Variants in PIK3CD observed in about 807,000 individuals in gnomAD.
PIK3CD encodes the protein phosphatidylinositol 4,5-bisphosphate 3-kinase catalytic subunit delta isoform.
Under a neutral mutation model 122.9 loss-of-function variants are expected in PIK3CD, and 20 were observed. The ratio of observed to expected loss-of-function variants is 0.16; its 90% CI spans 0.11 to 0.24. The LOEUF (loss-of-function observed/expected upper bound fraction) is 0.24, where lower values mean the gene tolerates loss of function less well. Ranked by LOEUF, PIK3CD falls within the 10% of genes least tolerant of loss-of-function variation. The pLI, the probability that PIK3CD is intolerant of heterozygous loss-of-function variation, is 1.00. For missense variants in PIK3CD, 787 were observed against 1,406.3 expected (o/e 0.56, Z 7.04); for synonymous variants, 596 against 593.4 (o/e 1.00, Z -0.06).
intron 2 of PIK3CD, among the ~76,000 whole-genome samples, chr1:9,701,115 C>CGA (rs1646609950): frequency 6.6e-6 from 1 of 152,134 alleles, no homozygotes; most frequent in African/African-American, 2.4e-5. Flanking sequence ...GCTGTCCATC[C>CGA]GCTCAGCACA....
chr1:9,687,356 C>T (rs1354092519), intron 1 of PIK3CD: 1 of 152,232 alleles, frequency 6.6e-6, no homozygotes, highest in Non-Finnish European at 1.5e-5. Flanking sequence ...GCTCTGCACC[C>T]AGAACTCCTC....
At chr1:9,681,397 C>T (rs1227002451) in intron 1 of PIK3CD, among the ~76,000 whole-genome samples, 3 of 152,148 alleles carry the variant, frequency 2.0e-5, no homozygotes, top group African/African-American at 7.2e-5. Flanking sequence ...ATCACCATGC[C>T]TGGCTGCTGC....
Position 9,724,005 on chromosome 1 carries a change from C to T in PIK3CD, c.2631C>T (p.Leu877=), listed in dbSNP as rs368751278. The change falls in exon 21 of 24, where the codon CTC becomes CTT. Residue 877 remains leucine, a synonymous_variant. Coordinates refer to ENST00000377346, the MANE Select transcript of PIK3CD (RefSeq NM_005026.5). The surrounding 1 kb of genome is among the most constrained non-coding windows in gnomAD (Gnocchi z 7.3). Reference sequence around the variant, plus strand: ...ATCGAGCCATTGAGGAGTTCACCCTCTCCTGTGCTGGCTATTGTGTGGCCA... The same window carrying T: ...ATCGAGCCATTGAGGAGTTCACCCTTTCCTGTGCTGGCTATTGTGTGGCCA... ...ALDRAIEEFT[L]SCAGYCVATY... 6.2e-7 allele frequency: 1 copy of T among 1,614,220 alleles called. No individual in the cohort carries two copies. The highest frequency in any genetic ancestry group is 1.1e-5 in the South Asian group (1 of 91,086).
rs1570366955 is a variant in PIK3CD at position 9,717,655 on chromosome 1, C to G, written c.1020+29C>G. The stretch of plus-strand genomic sequence containing the variant: ...GGGCTCCTGGGATAGGTGGGAGAGA[C>G]ACTGTTTTTTTGCACAAACAAGGTG... On this transcript the variant is annotated intron_variant, in intron 8 of 23. Transcript: ENST00000377346. The surrounding 1 kb of genome is among the most constrained non-coding windows in gnomAD (Gnocchi z 5.4). 6.2e-7 allele frequency: 1 copy of G among 1,604,332 alleles called. No individual in the cohort carries two copies. Among genetic ancestry groups the G allele is most frequent in the African/African-American group, 1.3e-5 (1 of 74,710 alleles).
intron 1 of PIK3CD, among the ~76,000 whole-genome samples, chr1:9,677,779 G>A (rs1438746182): frequency 6.6e-6 from 1 of 151,902 alleles, no homozygotes; most frequent in South Asian, 2.1e-4. Flanking sequence ...CATGCATACT[G>A]TACGTTTTTA....
chr1:9,724,946 G>C lies in PIK3CD; in HGVS notation c.2997+10G>C. 6.2e-7 allele frequency: 1 copy of C among 1,613,456 alleles called. No homozygotes were observed. Among genetic ancestry groups the C allele is most frequent in the Non-Finnish European group, 8.5e-7 (1 of 1,180,032 alleles). ...CATCCAGTATCTCAAGGTATGTGCC[G>C]GGCAGGAGACTGCTGTCGCCAGTGG... On this transcript the variant is annotated intron_variant, in intron 23 of 23. Coordinates refer to ENST00000377346, the MANE Select transcript of PIK3CD (RefSeq NM_005026.5). The surrounding 1 kb of genome is among the most constrained non-coding windows in gnomAD (Gnocchi z 7.3).
chr1:9,658,445 G>C (rs1357952989), intron 1 of PIK3CD, among the ~76,000 whole-genome samples: 1 of 150,458 alleles, frequency 6.6e-6, no homozygotes, highest in Non-Finnish European at 1.5e-5. Context: ...GTGAGGTGGT[G>C]GTTTTAGGGG....
chr1:9,636,979 G>C, the PIK3CD span, among the ~76,000 whole-genome samples: 4 of 151,702 alleles, frequency 2.6e-5, no homozygotes, highest in African/African-American at 4.8e-5. Flanking sequence ...CTCACTGCAA[G>C]CTCCACCTCC....
At chr1:9,675,973 C>G (rs982296072) in intron 1 of PIK3CD, among the ~76,000 whole-genome samples, 1 of 151,218 alleles carries the variant, frequency 6.6e-6, no homozygotes, top group Non-Finnish European at 1.5e-5. Flanking sequence ...CTCTTGTCCC[C>G]CAGGCTGGAG....
At position 9,720,761 on chromosome 1, in the gene PIK3CD, T is replaced by C; in HGVS notation, c.1541T>C (p.Ile514Thr). The C allele has an allele frequency of 6.2e-7, 1 of 1,612,708 alleles. No individual in the cohort carries two copies. Among genetic ancestry groups the C allele is most frequent in the Non-Finnish European group, 8.5e-7 (1 of 1,179,624 alleles). ...TEEEQLQLRE[I>T]LERRGSGELY... is the part of the protein sequence containing the mutation. ...CCTCAGCAGCTGCAGCTGCGGGAAA[T>C]CCTGGAGCGGCGGGGGTCTGGGGAG... Residue 514 changes from isoleucine to threonine, a missense_variant, in exon 13 of 24, where the codon ATC becomes ACC. Around this residue, in one of 6 missense-constraint regions of PIK3CD, gnomAD observed 592 missense variants for 920.6 expected, o/e 0.64. Coordinates refer to ENST00000377346, the MANE Select transcript of PIK3CD (RefSeq NM_005026.5). This position sits in a 1 kb window ranked among gnomAD's most constrained non-coding sequence, Gnocchi z 9.0.
In PIK3CD at chr1:9,677,474, C is replaced by T. The variant is rs1400273161; in HGVS notation, c.-137-13993C>T. On this transcript the variant is annotated intron_variant, in intron 1 of 23. Transcript: ENST00000377346. ...CAGCCTGGCCAACATGGTGAAACCC[C>T]GTCTCTACTAAAATACAAAAATTAG... Among the ~76,000 whole-genome samples the T allele has an allele frequency of 4.6e-5, 7 of 151,502 alleles. No homozygotes were observed. The East Asian group carries it at 7.8e-4, about 17-fold the overall frequency.
At chr1:9,640,766 T>C in the PIK3CD span, among the ~76,000 whole-genome samples, 1 of 152,080 alleles carries the variant, frequency 6.6e-6, no homozygotes, top group Admixed American at 6.6e-5. Context: ...GCCTGGAACC[T>C]TCCCTCTGCT....
At chr1:9,638,263 C>T in the PIK3CD span, among the ~76,000 whole-genome samples, 4 of 152,010 alleles carry the variant, frequency 2.6e-5, no homozygotes, top group Non-Finnish European at 5.9e-5. Flanking sequence ...CACAGGCAAC[C>T]GCCCAGATAG....
chr1:9,712,856 C>G (rs1647111736), intron 3 of PIK3CD, among the ~76,000 whole-genome samples: 2 of 151,290 alleles, frequency 1.3e-5, no homozygotes. Flanking sequence ...GGTAACATGA[C>G]AAAACCCTGT....
rs377383239 is a variant in PIK3CD, at chr1:9,727,079, C to T, written c.*33C>T. 8.1e-6 allele frequency: 13 copies of T among 1,613,348 alleles called. No individual in the cohort carries two copies. The highest frequency in any genetic ancestry group is 1.6e-4 in the Middle Eastern group (1 of 6,080). On this transcript the variant is annotated 3_prime_UTR_variant, in exon 24 of 24. Coordinates refer to ENST00000377346, the MANE Select transcript of PIK3CD (RefSeq NM_005026.5). ...TCCCAGCCCTGGGCCCAAGAGGAGG[C>T]GGCTGCGGGTCGTGGGGACCAAGCA...
intron 2 of PIK3CD, among the ~76,000 whole-genome samples, chr1:9,702,183 C>T (rs940132448): frequency 9.9e-5 from 15 of 151,724 alleles, no homozygotes; most frequent in African/African-American, 3.6e-4. Flanking sequence ...TTAGTAGAGA[C>T]GGGGTTTCAC....
chr1:9,707,221 A>G (rs1646869153), intron 2 of PIK3CD, among the ~76,000 whole-genome samples: 3 of 151,900 alleles, frequency 2.0e-5, no homozygotes, highest in Admixed American at 2.0e-4. Context: ...GCACAAGGGG[A>G]TGGATTCAAG....
At chr1:9,672,704 G>A (rs1645368969) in intron 1 of PIK3CD, 1 of 152,190 alleles carries the variant, frequency 6.6e-6, no homozygotes, top group South Asian at 2.1e-4. Context: ...GAGATTATAG[G>A]TGTGAGCCAC....
At position 9,723,861 on chromosome 1, in the gene PIK3CD, A is replaced by C; in HGVS notation, c.2595-108A>C. ...TTGTGTCCTCCATGTTCTGTTGGTC[A>C]AAGCAAGTCACAGGGCCAGATTCAA... On this transcript the variant is annotated intron_variant, in intron 20 of 23. Transcript: ENST00000377346. This position sits in a 1 kb window ranked among gnomAD's most constrained non-coding sequence, Gnocchi z 4.9. The C allele has an allele frequency of 9.8e-7, 1 of 1,024,388 alleles. No individual in the cohort carries two copies. Among genetic ancestry groups the C allele is most frequent in the Non-Finnish European group, 1.5e-6 (1 of 663,254 alleles). The allele number at this position is 1,024,388 out of a possible 1,614,324, so 63.5% of individuals were successfully genotyped here. A position where few individuals can be genotyped will look rare whatever the true frequency, so the allele number is the denominator to read the frequency against.
Sources: gnomAD v4.1 joint callset for allele counts (sites outside exome capture counted in the v4.1 genomes callset) on GRCh38, gnomAD v4.1.1 for gene constraint, gnomAD v4.1.1 regional missense constraint, Gnocchi (gnomAD v3.1) non-coding constraint, MANE v1.5 for transcripts, NCBI Gene and HGNC (gene_info 2026-07-23, HGNC 2026-07-21) for gene names.